Variants in ISM1 observed in about 807,000 individuals in gnomAD.
ISM1 encodes the protein isthmin-1.
Under a neutral mutation model 46.3 loss-of-function variants are expected in ISM1, and 25 were observed. That is an observed-to-expected ratio of 0.54 (90% CI 0.39 to 0.75). The LOEUF (loss-of-function observed/expected upper bound fraction) is 0.75, where lower values mean the gene tolerates loss of function less well. ISM1 is among the 30% of genes least tolerant of loss of function. The pLI is 0.00. For missense variants in ISM1, 536 were observed against 625.4 expected, an observed-to-expected ratio of 0.86 and a Z score of 1.52; for synonymous variants, 255 against 256.7, an observed-to-expected ratio of 0.99 and a Z score of 0.06.
Position 13,299,548 on chromosome 20 carries a change from T to C in ISM1, c.*89T>C, listed in dbSNP as rs536630837. ...GTGCCGACTGGCGCCGAGACCTTCA[T>C]AGCTGCGGTCGTGTATATTTGTATA... On this transcript the variant is annotated 3_prime_UTR_variant, in exon 6 of 6. Transcript: ENST00000262487. This position sits in a 1 kb window ranked among gnomAD's most constrained non-coding sequence, Gnocchi z 5.8. 1.8e-4 allele frequency: 217 copies of C among 1,194,228 alleles called. No homozygotes were observed. The African/African-American group carries it at 3.0e-3, about 16-fold the overall frequency. The allele number at this position is 1,194,228 out of a possible 1,614,324, so 74.0% of individuals were successfully genotyped here. A position where few individuals can be genotyped will look rare whatever the true frequency, so the allele number is the denominator to read the frequency against.
At chr20:13,320,635 C>T in the ISM1 span, among the ~76,000 whole-genome samples, 1 of 152,108 alleles carries the variant, frequency 6.6e-6, no homozygotes, top group Non-Finnish European at 1.5e-5. Flanking sequence ...TTATTGCTCT[C>T]TCATTAAAAA....
chr20:13,308,264 G>C, the ISM1 span, among the ~76,000 whole-genome samples: 1 of 152,162 alleles, frequency 6.6e-6, no homozygotes, highest in East Asian at 1.9e-4. Flanking sequence ...TGAATCTGAT[G>C]TAACTCAGAT....
chr20:13,253,438 T>C (rs6109782), intron 1 of ISM1, among the ~76,000 whole-genome samples: 28,792 of 152,148 alleles, frequency 0.19, 2,828 homozygotes, highest in East Asian at 0.25. Flanking sequence ...AAAAGTGCAC[T>C]CTTTGAGAGC....
intron 1 of ISM1, among the ~76,000 whole-genome samples, chr20:13,262,009 T>C (rs889112806): frequency 3.3e-5 from 5 of 152,210 alleles, no homozygotes; most frequent in African/African-American, 1.2e-4. Flanking sequence ...CCGTTCCCTC[T>C]GGTCGTAGGA....
chr20:13,238,359 C>CTCACTAAATCAG (rs1252427830), intron 1 of ISM1, among the ~76,000 whole-genome samples: 1 of 152,176 alleles, frequency 6.6e-6, no homozygotes, highest in Non-Finnish European at 1.5e-5. Flanking sequence ...AACCAGAGGG[C>CTCACTAAATCAG]CACCTCACTA....
At chr20:13,235,800 G>C (rs1365787837) in intron 1 of ISM1, among the ~76,000 whole-genome samples, 3 of 152,160 alleles carry the variant, frequency 2.0e-5, no homozygotes, top group African/African-American at 7.2e-5. Flanking sequence ...GACAATATAA[G>C]CCTGCGACCA....
intron 1 of ISM1, among the ~76,000 whole-genome samples, chr20:13,246,352 C>T (rs1370097915): frequency 6.6e-6 from 1 of 152,008 alleles, no homozygotes; most frequent in Non-Finnish European, 1.5e-5. Flanking sequence ...ATGGTTCATC[C>T]ACTGAGTGAA....
At chr20:13,262,090 G>A (rs1033254197) in intron 1 of ISM1, among the ~76,000 whole-genome samples, 2 of 152,308 alleles carry the variant, frequency 1.3e-5, no homozygotes, top group East Asian at 1.9e-4. Context: ...CCTGGAAACC[G>A]AGTCCTAGAC....
At chr20:13,312,810 C>A in the ISM1 span, among the ~76,000 whole-genome samples, 2 of 152,194 alleles carry the variant, frequency 1.3e-5, no homozygotes, top group Admixed American at 6.5e-5. Context: ...AGGGAGTGGG[C>A]TTGCCATGAT....
chr20:13,298,941 G>C lies in ISM1; in HGVS notation c.878-1G>C, dbSNP rs1263110014. The C allele has an allele frequency of 1.2e-6, 2 of 1,612,458 alleles. No individual in the cohort carries two copies. Among genetic ancestry groups the C allele is most frequent in the East Asian group, 2.2e-5 (1 of 44,868 alleles). On this transcript the variant is annotated splice_acceptor_variant, in intron 5 of 5. Transcript: ENST00000262487. LOFTEE classifies it high-confidence loss of function. ...GAGGGTTTCTCTTTGGCCTTTTCCA[G>C]ACACAGACAGCTGTGAGCGCTGGAT...
the ISM1 span, among the ~76,000 whole-genome samples, chr20:13,326,210 G>A: frequency 6.6e-5 from 10 of 152,156 alleles, no homozygotes; most frequent in African/African-American, 1.9e-4. Context: ...TTATCCACTC[G>A]CCTACTAAAG....
chr20:13,304,262 A>G (rs923222414), downstream of ISM1, among the ~76,000 whole-genome samples: 1 of 152,180 alleles, frequency 6.6e-6, no homozygotes, highest in Non-Finnish European at 1.5e-5. Context: ...AGATGGCTGC[A>G]TGAGCACCCA....
At chr20:13,287,615 T>A (rs1017962199) in intron 3 of ISM1, among the ~76,000 whole-genome samples, 1 of 152,228 alleles carries the variant, frequency 6.6e-6, no homozygotes, top group African/African-American at 2.4e-5. Context: ...GATGATTGTT[T>A]CTCTTTTCTC....
At chr20:13,239,508 A>G (rs2039692137) in intron 1 of ISM1, 2 of 152,178 alleles carry the variant, frequency 1.3e-5, no homozygotes, top group Admixed American at 1.3e-4. Context: ...TGCCCCAAGA[A>G]CGTTCTGTGT....
At chr20:13,256,148 C>A (rs1298815404) in intron 1 of ISM1, among the ~76,000 whole-genome samples, 5 of 152,034 alleles carry the variant, frequency 3.3e-5, no homozygotes, top group African/African-American at 1.2e-4. Context: ...GTTATCCCAG[C>A]ACTTTGGGAG....
intron 2 of ISM1, among the ~76,000 whole-genome samples, chr20:13,276,040 G>A (rs2040175632): frequency 6.6e-6 from 1 of 152,200 alleles, no homozygotes; most frequent in Non-Finnish European, 1.5e-5. Flanking sequence ...TGAGAAGAGG[G>A]AATTAGATAT....
At chr20:13,285,871 G>C (rs1238242077) in intron 3 of ISM1, among the ~76,000 whole-genome samples, 1 of 152,190 alleles carries the variant, frequency 6.6e-6, no homozygotes, top group Non-Finnish European at 1.5e-5. Flanking sequence ...AAAGTTCAGG[G>C]GTGATGTCTC....
intron 2 of ISM1, among the ~76,000 whole-genome samples, chr20:13,274,107 A>G (rs2040147717): frequency 6.6e-6 from 1 of 151,854 alleles, no homozygotes; most frequent in Admixed American, 6.6e-5. Flanking sequence ...ACACAAACAC[A>G]CCCACACACC....
intron 1 of ISM1, among the ~76,000 whole-genome samples, chr20:13,257,590 G>T (rs540159869): frequency 6.6e-6 from 1 of 152,070 alleles, no homozygotes; most frequent in East Asian, 1.9e-4. Flanking sequence ...ATAATCCATT[G>T]TTTTTATCAT....
Sources: allele counts gnomAD v4.1 joint callset (sites outside exome capture counted in the v4.1 genomes callset), GRCh38; gene constraint gnomAD v4.1.1; non-coding constraint Gnocchi (gnomAD v3.1); transcripts MANE v1.5; gene names NCBI Gene and HGNC (gene_info 2026-07-23, HGNC 2026-07-21).